The following GABRG2 variants were observed in gnomAD, a reference collection of about 807,000 sequenced individuals.
GABRG2 encodes gamma-aminobutyric acid receptor subunit gamma-2.
In GABRG2, 16 loss-of-function variants were observed where a neutral mutation model predicts 56.4. The ratio of observed to expected loss-of-function variants is 0.28; its 90% CI spans 0.19 to 0.43. The LOEUF is 0.43. Among genes scored for constraint, GABRG2 ranks in the 20% least tolerant of loss-of-function variants. GABRG2 has a pLI of 1.00. For missense variants in GABRG2, 327 were observed against 582.7 expected (o/e 0.56, Z 4.52); for synonymous variants, 208 against 205.5 (o/e 1.01, Z -0.10).
intron 6 of GABRG2, among the ~76,000 whole-genome samples, chr5:162,121,440 C>G (rs889919991): frequency 1.3e-5 from 2 of 152,004 alleles, no homozygotes; most frequent in Non-Finnish European, 2.9e-5. Flanking sequence ...GACTCTAGTT[C>G]AAAGCAAAGG....
rs1057006338 is a variant in GABRG2 at position 162,074,928 on chromosome 5, C to T, written c.107+6822C>T. On this transcript the variant is annotated intron_variant, in intron 1 of 9. Coordinates refer to ENST00000639213, the MANE Select transcript of GABRG2 (RefSeq NM_198904.4). Reference sequence around the variant, plus strand: ...GGCCTCTTAGTCTTTTTATGGTGGACATTTAAGAGTGAATTACCTGATTTC... The same window carrying T: ...GGCCTCTTAGTCTTTTTATGGTGGATATTTAAGAGTGAATTACCTGATTTC... Among the ~76,000 whole-genome samples, 4 of 151,906 alleles carry T rather than the reference C, an allele frequency of 2.6e-5. No individual in the cohort carries two copies. In the East Asian group the frequency reaches 7.7e-4, roughly 29 times the overall value.
chr5:162,085,577 T>A (rs868415569), intron 1 of GABRG2, among the ~76,000 whole-genome samples: 2 of 151,700 alleles, frequency 1.3e-5, no homozygotes, highest in South Asian at 2.1e-4. Context: ...TTTACTTTTT[T>A]TTTTTACATT....
Position 162,153,487 on chromosome 5 carries a change from G to C in GABRG2, c.*119G>C. ...GATAATGATCTGAATCTGTTTCTAT[G>C]TCCAAACCTGGTAAATTTTATAATG... is the stretch of plus-strand genomic sequence containing the variant. On this transcript the variant is annotated 3_prime_UTR_variant, in exon 10 of 10. Transcript: ENST00000639213. 8.1e-7 allele frequency: 1 copy of C among 1,232,244 alleles called. No individual in the cohort carries two copies. Among genetic ancestry groups the C allele is most frequent in the Non-Finnish European group, 1.2e-6 (1 of 842,552 alleles). 76.3% of individuals were successfully genotyped at this position (1,232,244 alleles called of 1,614,324 possible).
At chr5:162,114,941 CCGTTTTGCTTTGTTGT>C (rs1382526008) in intron 6 of GABRG2, among the ~76,000 whole-genome samples, 2 of 151,268 alleles carry the variant, frequency 1.3e-5, no homozygotes, top group African/African-American at 2.4e-5. Context: ...TGGTTTGTTG[CCGTTTTGCTTTGTTGT>C]CGTTTTGCTT....
intron 6 of GABRG2, among the ~76,000 whole-genome samples, chr5:162,117,227 G>C (rs1445570029): frequency 6.6e-6 from 1 of 152,174 alleles, no homozygotes; most frequent in Non-Finnish European, 1.5e-5. Context: ...TTTCTTTGTT[G>C]TACTGCTGGG....
At chr5:162,129,840 T>C (rs1328689577) in intron 6 of GABRG2, among the ~76,000 whole-genome samples, 1 of 151,980 alleles carries the variant, frequency 6.6e-6, no homozygotes, top group Non-Finnish European at 1.5e-5. Flanking sequence ...AATTTTTAAA[T>C]ATTAAAATTA....
intron 5 of GABRG2, 87 bp downstream of exon 5, chr5:162,101,404 A>C (rs537071801): frequency 3.2e-6 from 3 of 944,974 alleles, no homozygotes; most frequent in South Asian, 1.3e-5. Context: ...AAGCATAACA[A>C]ATTTCAAAGT....
chr5:162,147,065 T>C (rs933957401), intron 7 of GABRG2, among the ~76,000 whole-genome samples: 6 of 152,192 alleles, frequency 3.9e-5, no homozygotes, highest in Non-Finnish European at 7.3e-5. Context: ...TCAATTTTCT[T>C]CTAAGCATGT....
intron 7 of GABRG2, among the ~76,000 whole-genome samples, chr5:162,148,656 T>C (rs1249563035): frequency 6.6e-6 from 1 of 152,206 alleles, no homozygotes; most frequent in Non-Finnish European, 1.5e-5. Context: ...GGTTTCTCTT[T>C]CTCAGAACCC....
intron 9 of GABRG2, chr5:162,151,954 G>A: frequency 2.0e-6 from 1 of 487,960 alleles, no homozygotes; most frequent in Non-Finnish European, 3.6e-6. Context: ...CTTACACCAA[G>A]CCCAAAAGCT....
intron 6 of GABRG2, among the ~76,000 whole-genome samples, chr5:162,109,389 A>AATAT (rs535370579): frequency 0.049 from 5,630 of 115,704 alleles, 181 homozygotes; most frequent in Non-Finnish European, 0.059. Context: ...CTTAAAGTAT[A>AATAT]ATATATATAT....
At chr5:162,135,086 G>A (rs541572345) in intron 6 of GABRG2, among the ~76,000 whole-genome samples, 35 of 152,262 alleles carry the variant, frequency 2.3e-4, no homozygotes, top group African/African-American at 7.7e-4. Context: ...GCACACTGTG[G>A]TGCTTGTGTT....
intron 7 of GABRG2, among the ~76,000 whole-genome samples, chr5:162,147,609 C>T (rs1272188670): frequency 6.6e-6 from 1 of 152,048 alleles, no homozygotes; most frequent in Non-Finnish European, 1.5e-5. Flanking sequence ...CCTGATCCAC[C>T]CACCTCGGCC....
rs780713471 is a variant in GABRG2, at chr5:162,068,101, C to T, written c.102C>T (p.Tyr34=). 2 of 1,611,294 alleles carry T rather than the reference C, an allele frequency of 1.2e-6. No homozygotes were observed. The highest frequency in any genetic ancestry group is 1.7e-5 in the Admixed American group (1 of 59,912). The part of the protein sequence containing the change: ...TVWILLLLSL[Y]PGFTSQKSDD... ...GGATTCTGCTCCTGCTGTCGCTCTA[C>T]CCTGGGTAAGATGTGCCCTTTTTGG... The change falls in exon 1 of 10, where the codon TAC becomes TAT. Residue 34 remains tyrosine (Y), a synonymous_variant. Coordinates refer to ENST00000639213, the MANE Select transcript of GABRG2 (RefSeq NM_198904.4).
chr5:162,087,257 CT>C (rs1760194416), intron 1 of GABRG2, among the ~76,000 whole-genome samples: 1 of 152,078 alleles, frequency 6.6e-6, no homozygotes, highest in African/African-American at 2.4e-5. Flanking sequence ...ACCTTCTGAA[CT>C]AACATAATTT....
intron 2 of GABRG2, chr5:162,094,418 A>G (rs749343367): frequency 1.5e-5 from 3 of 194,988 alleles, no homozygotes; most frequent in African/African-American, 2.4e-5. Context: ...GAGATATACT[A>G]ATCTATGCTA....
At chr5:162,111,949 T>A (rs1008251227) in intron 6 of GABRG2, among the ~76,000 whole-genome samples, 4 of 152,174 alleles carry the variant, frequency 2.6e-5, no homozygotes, top group Non-Finnish European at 4.4e-5. Context: ...AGCAAAAGTA[T>A]AAAGTGAGAA....
At chr5:162,093,730 T>A in intron 1 of GABRG2, 98 bp from the exon 2 acceptor site, 2 of 1,155,278 alleles carry the variant, frequency 1.7e-6, no homozygotes, top group Non-Finnish European at 2.6e-6. Context: ...AACATTTCTT[T>A]TATCCTGTTT....
chr5:162,073,208 GT>G (rs956937022), intron 1 of GABRG2, among the ~76,000 whole-genome samples: 1 of 151,414 alleles, frequency 6.6e-6, no homozygotes. Context: ...ATTACATTAT[GT>G]TTTTTTGTTT....
Sources: gnomAD v4.1 joint callset for allele counts (sites outside exome capture counted in the v4.1 genomes callset) on GRCh38, gnomAD v4.1.1 for gene constraint, MANE v1.5 for transcripts, NCBI Gene and HGNC (gene_info 2026-07-23, HGNC 2026-07-21) for gene names.